The following PCBP4 variants were observed in gnomAD, a reference collection of about 807,000 sequenced individuals.
PCBP4 encodes the protein poly(rC)-binding protein 4.
A neutral mutation model predicts 46.2 loss-of-function variants in PCBP4; 24 were observed. The observed-to-expected ratio is 0.52, with a 90% CI of 0.38 to 0.73. The LOEUF (loss-of-function observed/expected upper bound fraction) is 0.73. Ranked by LOEUF, PCBP4 falls within the 30% of genes least tolerant of loss-of-function variation. PCBP4 has a pLI of 0.00. For synonymous variants in PCBP4, 203 were observed against 224.4 expected (o/e 0.90, Z 0.85); for missense variants, 407 against 537.0 (o/e 0.76, Z 2.39).
rs772627225 is a variant in PCBP4 at position 51,960,706 on chromosome 3, C to A, written c.139-64G>T. ...TCCCTGCTCCCTTGCCGGAACTTGT[C>A]TGCCTGCCCCACTCACCAGGCCTGA... is the stretch of plus-strand genomic sequence containing the variant. On this transcript the variant is annotated intron_variant, in intron 5 of 13. Transcript: ENST00000461554. The surrounding 1 kb of genome is among the most constrained non-coding windows in gnomAD (Gnocchi z 5.0). The A allele has an allele frequency of 1.3e-6, 2 of 1,490,520 alleles. No homozygotes were observed. The highest frequency in any genetic ancestry group is 1.9e-6 in the Non-Finnish European group (2 of 1,067,424). The allele number at this position is 1,490,520 out of a possible 1,614,324, so 92.3% of individuals were successfully genotyped here.
chr3:51,967,247 A>T (rs936504437), intron 1 of PCBP4, 79 bp downstream of exon 1: 1 of 152,054 alleles, frequency 6.6e-6, no homozygotes, highest in Non-Finnish European at 1.5e-5. Context: ...CAACCGAGGG[A>T]TCTGGGCGCG....
rs77484474 is a variant in PCBP4 at position 51,960,112 on chromosome 3, C to T, written c.387+77G>A. ...CTCAGAGCTCTCTAGGTGGGGAGGACGCCATAAGCCCAACACCCCTCTTAC... is the reference window on the plus strand; with the variant it reads ...CTCAGAGCTCTCTAGGTGGGGAGGATGCCATAAGCCCAACACCCCTCTTAC... On this transcript the variant is annotated intron_variant, in intron 7 of 13. Coordinates refer to ENST00000461554, the MANE Select transcript of PCBP4 (RefSeq NM_001174100.2). This position sits in a 1 kb window ranked among gnomAD's most constrained non-coding sequence, Gnocchi z 5.0. 2.2e-3 allele frequency: 3,605 copies of T among 1,613,862 alleles called. 76 individuals carry two copies. In the African/African-American group the frequency reaches 0.041, roughly 18 times the overall value.
At chr3:51,966,121 C>T (rs946899154) in intron 1 of PCBP4, among the ~76,000 whole-genome samples, 2 of 152,220 alleles carry the variant, frequency 1.3e-5, no homozygotes, top group African/African-American at 4.8e-5. Context: ...GATGTCAGCG[C>T]CACTGGGCAA....
chr3:51,958,140 C>T lies in PCBP4; in HGVS notation c.1133G>A (p.Gly378Asp), dbSNP rs535187121. The T allele has an allele frequency of 1.2e-6, 2 of 1,611,412 alleles. No individual in the cohort carries two copies. The highest frequency in any genetic ancestry group is 1.7e-6 in the Non-Finnish European group (2 of 1,178,814). Residue 378 changes from glycine (G) to aspartate (D), a missense_variant, in exon 14 of 14, where the codon GGC becomes GAC. Physicochemically the swap from Gly to Asp is moderately conservative, Grantham distance 94. Transcript: ENST00000461554. This position sits in a 1 kb window ranked among gnomAD's most constrained non-coding sequence, Gnocchi z 5.4. ...LPPASPGPPPGLAAYTAKMAA... is the reference protein window; with the variant it reads ...LPPASPGPPPDLAAYTAKMAA... ...CATCTTGGCAGTGTAGGCCGCCAAG[C>T]CCGGCGGCGGCCCTGGGGAAGCAGG...
intron 2 of PCBP4, chr3:51,961,510 C>A: frequency 3.3e-6 from 2 of 608,040 alleles, no homozygotes; most frequent in South Asian, 4.9e-5. Flanking sequence ...ACCCTCTGAG[C>A]CTCAGCTTCT....
intron 1 of PCBP4, among the ~76,000 whole-genome samples, chr3:51,965,390 C>T (rs1245152320): frequency 2.6e-5 from 4 of 152,222 alleles, no homozygotes; most frequent in African/African-American, 9.6e-5. Context: ...AAACGCCCAT[C>T]CTCCCCACTC....
chr3:51,959,638 C>T lies in PCBP4; in HGVS notation c.530G>A (p.Gly177Glu), dbSNP rs1228914021. The change falls in exon 9 of 14, where the codon GGA (glycine) becomes GAA (glutamate). Residue 177 changes from glycine (G) to glutamate (E), a missense_variant. Gly to Glu is a moderately conservative substitution (Grantham distance 98, BLOSUM62 -2). Coordinates refer to ENST00000461554, the MANE Select transcript of PCBP4 (RefSeq NM_001174100.2). This position sits in a 1 kb window ranked among gnomAD's most constrained non-coding sequence, Gnocchi z 5.6. ...GCTCGGATGGTAGGGGATAGTGGCT[C>T]CTTTGGGTGGGGACTGGAAGGCATA... Reference protein sequence around the residue: ...CAVILESPPKGATIPYHPSLS... With the variant: ...CAVILESPPKEATIPYHPSLS... The T allele has an allele frequency of 1.9e-6, 3 of 1,551,800 alleles. No homozygotes were observed. Among genetic ancestry groups the T allele is most frequent in the Non-Finnish European group, 2.6e-6 (3 of 1,147,008 alleles).
intron 1 of PCBP4, chr3:51,963,226 G>C (rs907112613): frequency 6.6e-6 from 1 of 152,250 alleles, no homozygotes; most frequent in Non-Finnish European, 1.5e-5. Flanking sequence ...CTGATGCCTG[G>C]AGAGGATCAG....
rs1700069434 is a variant in PCBP4, at chr3:51,960,038, C to A, written c.388-15G>T. ...GCACCCGTAGTCTGCAAACAGAGAA[C>A]AGGGGCCACTTCTGGCTGCTCCCAT... is the stretch of plus-strand genomic sequence containing the variant. On this transcript the variant is annotated splice_polypyrimidine_tract_variant and intron_variant, in intron 7 of 13. Coordinates refer to ENST00000461554, the MANE Select transcript of PCBP4 (RefSeq NM_001174100.2). The surrounding 1 kb of genome is among the most constrained non-coding windows in gnomAD (Gnocchi z 5.0). 1.9e-6 allele frequency: 3 copies of A among 1,614,232 alleles called. No individual in the cohort carries two copies. The highest frequency in any genetic ancestry group is 2.5e-6 in the Non-Finnish European group (3 of 1,180,040).
Position 51,959,108 on chromosome 3 carries a change from G to A in PCBP4, c.701-9C>T. On this transcript the variant is annotated splice_polypyrimidine_tract_variant and intron_variant, in intron 11 of 13. Transcript: ENST00000461554. The surrounding 1 kb of genome is among the most constrained non-coding windows in gnomAD (Gnocchi z 5.6). Reference sequence around the variant, plus strand: ...TGTGCCGGGATCCAGTCCTGAGGGGGAGAAGAGGGACTGAGTGTGGTTCTG... The same window carrying A: ...TGTGCCGGGATCCAGTCCTGAGGGGAAGAAGAGGGACTGAGTGTGGTTCTG... The A allele has an allele frequency of 6.2e-7, 1 of 1,613,848 alleles. No homozygotes were observed. Among genetic ancestry groups the A allele is most frequent in the Non-Finnish European group, 8.5e-7 (1 of 1,179,880 alleles).
rs1310055281 is a variant in PCBP4, at chr3:51,958,599, A to C, written c.923+191T>G. 6.6e-6 allele frequency among the ~76,000 whole-genome samples: 1 copy of C among 151,706 alleles called. No individual in the cohort carries two copies. Among genetic ancestry groups the C allele is most frequent in the African/African-American group, 2.4e-5 (1 of 41,280 alleles). ...CACAGCAATGGAGAATGAGAGGTGG[A>C]TATAGAGGGGGGAGATGGGGCAACA... is the stretch of plus-strand genomic sequence containing the variant. On this transcript the variant is annotated intron_variant, in intron 13 of 13. Coordinates refer to ENST00000461554, the MANE Select transcript of PCBP4 (RefSeq NM_001174100.2). This position sits in a 1 kb window ranked among gnomAD's most constrained non-coding sequence, Gnocchi z 5.4.
Position 51,959,871 on chromosome 3 carries a change from T to C in PCBP4, c.516+24A>G, listed in dbSNP as rs778039200. On this transcript the variant is annotated intron_variant, in intron 8 of 13. Coordinates refer to ENST00000461554, the MANE Select transcript of PCBP4 (RefSeq NM_001174100.2). This position sits in a 1 kb window ranked among gnomAD's most constrained non-coding sequence, Gnocchi z 5.6. ...GACCCAGGGCCCATCTCCTGCCCCC[T>C]CTCTCCCTGCCCCAGGGCAGCACCT... is the stretch of plus-strand genomic sequence containing the variant. 10 of 1,565,454 alleles carry C rather than the reference T, an allele frequency of 6.4e-6. No individual in the cohort carries two copies. In the East Asian group the frequency reaches 1.1e-4, roughly 18 times the overall value.
chr3:51,958,606 G>C lies in PCBP4; in HGVS notation c.923+184C>G, dbSNP rs185156574. On this transcript the variant is annotated intron_variant, in intron 13 of 13. Coordinates refer to ENST00000461554, the MANE Select transcript of PCBP4 (RefSeq NM_001174100.2). The surrounding 1 kb of genome is among the most constrained non-coding windows in gnomAD (Gnocchi z 5.4). ...ATGGAGAATGAGAGGTGGATATAGA[G>C]GGGGGAGATGGGGCAACAGAGGGTG... 6.6e-5 allele frequency among the ~76,000 whole-genome samples: 10 copies of C among 151,954 alleles called. No individual in the cohort carries two copies. Among genetic ancestry groups the C allele is most frequent in the Non-Finnish European group, 1.3e-4 (9 of 67,966 alleles).
In PCBP4 at chr3:51,959,138, T is replaced by A. The variant is rs764581156; in HGVS notation, c.701-39A>T. The stretch of plus-strand genomic sequence containing the variant: ...GAGGGACTGAGTGTGGTTCTGGGCC[T>A]TTCCCGCCCCACCATTTCCACTCTC... On this transcript the variant is annotated intron_variant, in intron 11 of 13. Coordinates refer to ENST00000461554, the MANE Select transcript of PCBP4 (RefSeq NM_001174100.2). This position sits in a 1 kb window ranked among gnomAD's most constrained non-coding sequence, Gnocchi z 5.6. 1 of 1,613,198 alleles carries A rather than the reference T, an allele frequency of 6.2e-7. No homozygotes were observed. Among genetic ancestry groups the A allele is most frequent in the Non-Finnish European group, 8.5e-7 (1 of 1,179,430 alleles).
At chr3:51,961,408 A>G in intron 2 of PCBP4, 104 bp from the exon 3 acceptor site, 1 of 1,293,856 alleles carries the variant, frequency 7.7e-7, no homozygotes, top group South Asian at 1.5e-5. Flanking sequence ...CCCAGAGGAA[A>G]GAGACTGCAT....
Position 51,960,130 on chromosome 3 carries a change from C to A in PCBP4, c.387+59G>T, listed in dbSNP as rs1700076058. The A allele has an allele frequency of 1.9e-6, 3 of 1,614,116 alleles. No homozygotes were observed. The highest frequency in any genetic ancestry group is 2.5e-6 in the Non-Finnish European group (3 of 1,179,944). ...GGGAGGACGCCATAAGCCCAACACC[C>A]CTCTTACAACTGCTCCCTTGCCCCG... is the stretch of plus-strand genomic sequence containing the variant. On this transcript the variant is annotated intron_variant, in intron 7 of 13. Transcript: ENST00000461554. This position sits in a 1 kb window ranked among gnomAD's most constrained non-coding sequence, Gnocchi z 5.0.
At position 51,959,696 on chromosome 3, in the gene PCBP4, G is replaced by A. The variant is rs1056457817; in HGVS notation, c.517-45C>T. ...CTCTGTCAGGACCCTCTCAGGCTCC[G>A]ATAACCTCCCCAGCTGCCCAGTGGC... On this transcript the variant is annotated intron_variant, in intron 8 of 13. Coordinates refer to ENST00000461554, the MANE Select transcript of PCBP4 (RefSeq NM_001174100.2). The surrounding 1 kb of genome is among the most constrained non-coding windows in gnomAD (Gnocchi z 5.6). 7 of 1,520,378 alleles carry A rather than the reference G, an allele frequency of 4.6e-6. No homozygotes were observed. The highest frequency in any genetic ancestry group is 2.5e-5 in the East Asian group (1 of 40,792). The allele number at this position is 1,520,378 out of a possible 1,614,324, so 94.2% of individuals were successfully genotyped here. A position where few individuals can be genotyped will look rare whatever the true frequency, so the allele number is the denominator to read the frequency against.
chr3:51,961,069 G>C (rs376627036), intron 3 of PCBP4, 36 bp from the exon 4 acceptor site: 53 of 1,614,056 alleles, frequency 3.3e-5, no homozygotes, highest in Non-Finnish European at 4.5e-5. Flanking sequence ...ATGGGTGCCA[G>C]TGCCCAGGCC....
At chr3:51,961,619 T>A in intron 2 of PCBP4, 1 of 361,816 alleles carries the variant, frequency 2.8e-6, no homozygotes, top group Non-Finnish European at 4.1e-6. Flanking sequence ...TCCCTTACCC[T>A]GAGACACTAA....
Sources: allele counts gnomAD v4.1 joint callset (sites outside exome capture counted in the v4.1 genomes callset), GRCh38; gene constraint gnomAD v4.1.1; non-coding constraint Gnocchi (gnomAD v3.1); transcripts MANE v1.5; gene names NCBI Gene and HGNC (gene_info 2026-07-23, HGNC 2026-07-21).